Variants in MDFIC2 observed in about 807,000 individuals in gnomAD.
MDFIC2 encodes myoD family inhibitor domain-containing protein 2.
chr3:70,233,801 A>C (rs1701584361), intron 2 of MDFIC2, among the ~76,000 whole-genome samples: 1 of 152,214 alleles, frequency 6.6e-6, no homozygotes, highest in Non-Finnish European at 1.5e-5. Flanking sequence ...AAAGTTATTC[A>C]GATTGTTGCA....
intron 2 of MDFIC2, among the ~76,000 whole-genome samples, chr3:70,303,388 T>G (rs1253939003): frequency 6.6e-6 from 1 of 152,082 alleles, no homozygotes; most frequent in Non-Finnish European, 1.5e-5. Context: ...CTTGGACTCT[T>G]AAGGAGGAGA....
At chr3:70,264,670 C>A (rs1559548553) in intron 2 of MDFIC2, among the ~76,000 whole-genome samples, 1 of 152,210 alleles carries the variant, frequency 6.6e-6, no homozygotes, top group South Asian at 2.1e-4. Flanking sequence ...TAAAGACTCA[C>A]TTTGCTAAAC....
intron 2 of MDFIC2, among the ~76,000 whole-genome samples, chr3:70,213,934 T>C (rs1018432945): frequency 1.3e-5 from 2 of 152,058 alleles, no homozygotes; most frequent in African/African-American, 4.8e-5. Flanking sequence ...TTTCTTGACA[T>C]TGAGAAAAGC....
intron 2 of MDFIC2, among the ~76,000 whole-genome samples, chr3:70,223,304 C>CT (rs1701476405): frequency 2.6e-5 from 4 of 152,032 alleles, no homozygotes; most frequent in Admixed American, 6.6e-5. Context: ...ACTCAACTCA[C>CT]TTTTTTTTCT....
At chr3:70,284,011 C>G (rs1014661735) in intron 2 of MDFIC2, among the ~76,000 whole-genome samples, 3 of 152,010 alleles carry the variant, frequency 2.0e-5, no homozygotes, top group African/African-American at 7.2e-5. Context: ...GGTTTCCATG[C>G]CTTTGGGTGG....
intron 2 of MDFIC2, among the ~76,000 whole-genome samples, chr3:70,246,746 T>C (rs550659271): frequency 1.0e-3 from 159 of 152,188 alleles, no homozygotes; most frequent in African/African-American, 3.7e-3. Context: ...AGCAAGACTT[T>C]GTGTATTCTT....
chr3:70,197,767 G>C (rs956629850), intron 3 of MDFIC2, among the ~76,000 whole-genome samples: 1 of 152,094 alleles, frequency 6.6e-6, no homozygotes, highest in African/African-American at 2.4e-5. Flanking sequence ...TTTAATCTCT[G>C]TTTCCGTTTC....
chr3:70,222,625 A>G (rs1419890222), intron 2 of MDFIC2, among the ~76,000 whole-genome samples: 1 of 152,154 alleles, frequency 6.6e-6, no homozygotes, highest in Non-Finnish European at 1.5e-5. Context: ...AATACTTAAG[A>G]TGGAACCTTA....
intron 2 of MDFIC2, among the ~76,000 whole-genome samples, chr3:70,211,446 TTTCCC>T (rs1404742833): frequency 1.0e-5 from 1 of 96,328 alleles, no homozygotes; most frequent in Non-Finnish European, 2.2e-5. Context: ...CTTCCCTTCC[TTTCCC>T]TTCCCTTCCC....
intron 2 of MDFIC2, among the ~76,000 whole-genome samples, chr3:70,264,276 C>T (rs1701894326): frequency 6.6e-6 from 1 of 152,216 alleles, no homozygotes; most frequent in Non-Finnish European, 1.5e-5. Flanking sequence ...TCTGCTGTCT[C>T]TCTAGTTAAG....
chr3:70,203,010 A>T (rs530180404), intron 3 of MDFIC2, among the ~76,000 whole-genome samples: 6 of 152,044 alleles, frequency 3.9e-5, no homozygotes, highest in African/African-American at 1.4e-4. Context: ...GCCCATGATT[A>T]GGAGGTGGGA....
chr3:70,277,795 AT>A (rs1702041679), intron 2 of MDFIC2, among the ~76,000 whole-genome samples: 3 of 152,060 alleles, frequency 2.0e-5, no homozygotes. Flanking sequence ...GTGTGTGCCC[AT>A]TTTTTATACA....
chr3:70,236,850 G>A (rs1701614842), intron 2 of MDFIC2, among the ~76,000 whole-genome samples: 1 of 152,140 alleles, frequency 6.6e-6, no homozygotes, highest in Non-Finnish European at 1.5e-5. Context: ...CCCTGCCTCA[G>A]CCTCCCAAGG....
At chr3:70,262,750 T>C (rs1278296517) in intron 2 of MDFIC2, among the ~76,000 whole-genome samples, 1 of 152,166 alleles carries the variant, frequency 6.6e-6, no homozygotes, top group East Asian at 1.9e-4. Flanking sequence ...ATAGTTTTCA[T>C]CAAATTTGGA....
At chr3:70,228,180 A>G (rs1045132762) in intron 2 of MDFIC2, among the ~76,000 whole-genome samples, 1 of 152,090 alleles carries the variant, frequency 6.6e-6, no homozygotes, top group African/African-American at 2.4e-5. Context: ...TAGAGGTTTT[A>G]GTATCAAGAA....
chr3:70,276,540 A>G (rs1330101158), intron 2 of MDFIC2, among the ~76,000 whole-genome samples: 1 of 152,184 alleles, frequency 6.6e-6, no homozygotes, highest in Non-Finnish European at 1.5e-5. Context: ...TTATTTAGTA[A>G]ATATTTATCA....
intron 2 of MDFIC2, among the ~76,000 whole-genome samples, chr3:70,278,124 C>A (rs1392918118): frequency 2.0e-5 from 3 of 152,118 alleles, no homozygotes; most frequent in African/African-American, 7.2e-5. Context: ...AGCACCTTTG[C>A]CCCCAACTTC....
rs962094464 is a variant in MDFIC2 at position 70,285,052 on chromosome 3, CT to C, written c.88+26833del. On this transcript the variant is annotated intron_variant, in intron 2 of 3. Transcript: ENST00000567252. The stretch of plus-strand genomic sequence containing the variant: ...TTATTTTTTACTTATTTTTTTTTAA[CT>C]TTTTTTTTCTTTTATTATTATACTT... Among the ~76,000 whole-genome samples the C allele has an allele frequency of 1.9e-3, 284 of 146,162 alleles. 2 individuals carry two copies. The highest frequency in any genetic ancestry group is 6.6e-3 in the African/African-American group (263 of 39,688).
At chr3:70,264,898 AT>A (rs1701901731) in intron 2 of MDFIC2, among the ~76,000 whole-genome samples, 1 of 152,218 alleles carries the variant, frequency 6.6e-6, no homozygotes, top group African/African-American at 2.4e-5. Flanking sequence ...AGGAAAGACG[AT>A]TAATTGACTC....
Sources: allele counts gnomAD v4.1 joint callset (sites outside exome capture counted in the v4.1 genomes callset), GRCh38; gene constraint gnomAD v4.1.1; transcripts MANE v1.5; gene names NCBI Gene and HGNC (gene_info 2026-07-23, HGNC 2026-07-21).